The following CHM variants were observed in gnomAD, a reference collection of about 807,000 sequenced individuals.
The protein encoded by CHM is CHM Rab escort protein.
CHM carries 10 observed loss-of-function variants against 49.0 expected under a neutral mutation model. That is an observed-to-expected ratio of 0.20 (90% CI 0.13 to 0.35). The LOEUF (loss-of-function observed/expected upper bound fraction) is 0.35, where lower values mean the gene tolerates loss of function less well. CHM is among the 10% of genes least tolerant of loss of function. The probability of loss-of-function intolerance (pLI) is 1.00; values close to 1 mark genes in which losing one functional copy is unlikely to be tolerated. For missense variants in CHM, 455 were observed against 478.4 expected (o/e 0.95, Z 0.46); for synonymous variants, 184 against 167.5 (o/e 1.10, Z -0.76).
chrX:86,034,804 AG>A (rs1430640661), intron 1 of CHM, among the ~76,000 whole-genome samples: 7 of 111,740 alleles, frequency 6.3e-5, no homozygotes, highest in African/African-American at 2.3e-4. Flanking sequence ...ACAAAAAAAA[AG>A]AAAGTGTGCA....
At chrX:86,031,137 T>G (rs1934025099) in intron 1 of CHM, among the ~76,000 whole-genome samples, 1 of 110,887 alleles carries the variant, frequency 9.0e-6, no homozygotes, top group Non-Finnish European at 1.9e-5. Flanking sequence ...ATTCACAGAA[T>G]CAAAAAGTGG....
chrX:86,002,251 G>T (rs866895822), intron 2 of CHM, among the ~76,000 whole-genome samples: 1 of 111,951 alleles, frequency 8.9e-6, no homozygotes, highest in Non-Finnish European at 1.9e-5. Flanking sequence ...AAAACCCTAG[G>T]GGGTGGTAAA....
intron 2 of CHM, among the ~76,000 whole-genome samples, chrX:85,992,834 G>C (rs1370022113): frequency 8.9e-6 from 1 of 112,432 alleles, no homozygotes; most frequent in African/African-American, 3.2e-5. Flanking sequence ...TTGGCAATCA[G>C]ATCAGCCTGC....
At chrX:85,986,913 T>C (rs1931944862) in intron 2 of CHM, among the ~76,000 whole-genome samples, 1 of 106,049 alleles carries the variant, frequency 9.4e-6, no homozygotes, top group Admixed American at 1.0e-4. Context: ...CCAAAGAAGC[T>C]AAGAATCACA....
intron 8 of CHM, among the ~76,000 whole-genome samples, chrX:85,948,682 C>T (rs757198236): frequency 1.2e-4 from 13 of 111,449 alleles, no homozygotes; most frequent in South Asian, 3.7e-4. Context: ...CATGCTGTAA[C>T]TGGCTGTGAG....
chrX:85,925,937 G>A (rs377189856), intron 8 of CHM, among the ~76,000 whole-genome samples: 33 of 110,561 alleles, frequency 3.0e-4, no homozygotes, highest in South Asian at 1.9e-3. Flanking sequence ...CATCTTCTTA[G>A]AAACACGGCC....
intron 14 of CHM, among the ~76,000 whole-genome samples, chrX:85,867,967 G>A (rs1425285792): frequency 1.8e-5 from 2 of 111,353 alleles, no homozygotes; most frequent in East Asian, 5.7e-4. Flanking sequence ...TATACACTGT[G>A]TAATGATTAC....
chrX:85,998,790 T>C (rs1932564822), intron 2 of CHM, among the ~76,000 whole-genome samples: 1 of 111,115 alleles, frequency 9.0e-6, no homozygotes, highest in Non-Finnish European at 1.9e-5. Context: ...TTCTGTACCA[T>C]CATAAAGTTG....
At chrX:85,872,100 CAG>C (rs1180379174) in intron 14 of CHM, among the ~76,000 whole-genome samples, 1 of 111,826 alleles carries the variant, frequency 8.9e-6, no homozygotes, top group Non-Finnish European at 1.9e-5. Flanking sequence ...AAAAAAACTG[CAG>C]ATGTCTGTAT....
chrX:85,995,733 G>A (rs1390897448), intron 2 of CHM, among the ~76,000 whole-genome samples: 1 of 110,733 alleles, frequency 9.0e-6, no homozygotes, highest in African/African-American at 3.2e-5. Flanking sequence ...AGAGCACCAA[G>A]TAACTGTTCA....
intron 9 of CHM, among the ~76,000 whole-genome samples, chrX:85,908,606 T>C (rs1335729767): frequency 1.8e-5 from 2 of 111,579 alleles, no homozygotes; most frequent in Non-Finnish European, 3.8e-5. Flanking sequence ...AGGTCAAGTT[T>C]TAAAAACTGG....
intron 1 of CHM, among the ~76,000 whole-genome samples, chrX:86,045,641 C>A (rs1934625316): frequency 9.0e-6 from 1 of 111,627 alleles, no homozygotes; most frequent in Non-Finnish European, 1.9e-5. Flanking sequence ...AACTTCCTAC[C>A]TCTACCATAA....
intron 1 of CHM, among the ~76,000 whole-genome samples, chrX:86,029,624 C>G (rs1020560421): frequency 1.8e-5 from 2 of 111,407 alleles, no homozygotes; most frequent in African/African-American, 6.5e-5. Context: ...TGCCAAATAC[C>G]AAGTAATTTG....
chrX:86,034,165 T>TA (rs766472189), intron 1 of CHM, among the ~76,000 whole-genome samples: 3 of 111,569 alleles, frequency 2.7e-5, no homozygotes, highest in African/African-American at 9.8e-5. Flanking sequence ...CCTTATTAGA[T>TA]AAAATAAAGG....
rs201863373 is a variant in CHM, at chrX:86,006,733, CA to C, written c.116+20757del. Among the ~76,000 whole-genome samples, 45 of 111,559 alleles carry C rather than the reference CA, an allele frequency of 4.0e-4. No individual in the cohort carries two copies. The East Asian group carries it at 0.011, about 28-fold the overall frequency. ...TGAAAGACCTCTTCAAAGAGAACAA[CA>C]AACCACTGCTCAAGGAAATAAAAGA... On this transcript the variant is annotated intron_variant, in intron 2 of 14. Transcript: ENST00000357749.
intron 1 of CHM, among the ~76,000 whole-genome samples, chrX:86,037,110 CTTTTTTT>C (rs1048558599): frequency 5.7e-5 from 4 of 70,778 alleles, no homozygotes; most frequent in Non-Finnish European, 1.1e-4. Context: ...CTAATTTTTC[CTTTTTTT>C]TTTTTTTTTT....
intron 2 of CHM, among the ~76,000 whole-genome samples, chrX:86,005,093 C>G (rs1932824192): frequency 8.9e-6 from 1 of 112,038 alleles, no homozygotes; most frequent in Non-Finnish European, 1.9e-5. Context: ...CAAACTAGGA[C>G]TCAGGATTTA....
intron 1 of CHM, among the ~76,000 whole-genome samples, chrX:86,043,915 A>G (rs1218781145): frequency 9.0e-6 from 1 of 111,030 alleles, no homozygotes. Context: ...CTTAAATCAA[A>G]AGAATATATG....
intron 2 of CHM, among the ~76,000 whole-genome samples, chrX:85,988,271 T>C (rs1442225538): frequency 2.7e-5 from 3 of 112,216 alleles, no homozygotes; most frequent in Non-Finnish European, 3.8e-5. Flanking sequence ...TTTATCTCAA[T>C]AGATGCAGGA....
Sources: allele counts gnomAD v4.1 joint callset (sites outside exome capture counted in the v4.1 genomes callset), GRCh38; gene constraint gnomAD v4.1.1; transcripts MANE v1.5; gene names NCBI Gene and HGNC (gene_info 2026-07-23, HGNC 2026-07-21).